The following PLCG2 variants were observed in gnomAD, a reference collection of about 807,000 sequenced individuals.
The protein encoded by PLCG2 is phospholipase C gamma 2.
In PLCG2, 69 loss-of-function variants were observed where a neutral mutation model predicts 175.6. The observed-to-expected ratio is 0.39, with a 90% CI of 0.32 to 0.48. The LOEUF (loss-of-function observed/expected upper bound fraction) is 0.48. Ranked by LOEUF, PLCG2 falls within the 20% of genes least tolerant of loss-of-function variation. PLCG2 has a pLI of 0.91. For synonymous variants in PLCG2, 827 were observed against 624.0 expected, an observed-to-expected ratio of 1.33 and a Z score of -4.85; for missense variants, 1,798 against 1,650.9, an observed-to-expected ratio of 1.09 and a Z score of -1.54.
chr16:81,919,413 G>C (rs1180298800), intron 19 of PLCG2, 71 bp from the exon 20 acceptor site: 3 of 1,223,884 alleles, frequency 2.5e-6, no homozygotes, highest in African/African-American at 3.0e-5. Context: ...TATCTAATCA[G>C]TAGGGTTTGT....
At chr16:81,762,279 T>C (rs1910058134) in intron 2 of PLCG2, among the ~76,000 whole-genome samples, 1 of 152,176 alleles carries the variant, frequency 6.6e-6, no homozygotes, top group Admixed American at 6.6e-5. Flanking sequence ...CTGTCAACTG[T>C]TAAAATGGTC....
chr16:81,881,573 A>T (rs761626854), intron 8 of PLCG2, among the ~76,000 whole-genome samples: 21 of 152,260 alleles, frequency 1.4e-4, no homozygotes, highest in Non-Finnish European at 2.6e-4. Flanking sequence ...TCGGTGAGCA[A>T]CTTTTCCCTC....
chr16:81,853,655 A>C (rs1309499051), intron 2 of PLCG2, among the ~76,000 whole-genome samples: 1 of 152,150 alleles, frequency 6.6e-6, no homozygotes, highest in African/African-American at 2.4e-5. Flanking sequence ...AATAGTGCTT[A>C]CTTGCCGGTA....
chr16:81,786,797 A>C (rs1910991726), intron 2 of PLCG2, among the ~76,000 whole-genome samples: 1 of 152,212 alleles, frequency 6.6e-6, no homozygotes, highest in African/African-American at 2.4e-5. Flanking sequence ...AGCAATTTTC[A>C]GTTGCAAATA....
rs1567527514 is a variant in PLCG2, at chr16:81,908,525, G to C, written c.1667G>C (p.Gly556Ala). 1.9e-6 allele frequency: 3 copies of C among 1,613,774 alleles called. No individual in the cohort carries two copies. The highest frequency in any genetic ancestry group is 1.7e-5 in the Admixed American group (1 of 60,024). ...CAGGAATACTGCATGGAGACGGGGG[G>C]CAAGGATGGCACCTTCCTGGTTCGG... ...LLQEYCMETGGKDGTFLVRES... is the reference protein window; with the variant it reads ...LLQEYCMETGAKDGTFLVRES... The change falls in exon 17 of 33, where the codon GGC becomes GCC. Residue 556 changes from glycine (G) to alanine (A), a missense_variant. By Grantham distance (60) the Gly-to-Ala change is moderately conservative. Coordinates refer to ENST00000564138, the MANE Select transcript of PLCG2 (RefSeq NM_002661.5).
chr16:81,904,496 G>A (rs74956269), intron 14 of PLCG2, among the ~76,000 whole-genome samples: 1 of 152,162 alleles, frequency 6.6e-6, no homozygotes, highest in African/African-American at 2.4e-5. Flanking sequence ...CCACTTGCCC[G>A]GGGTCACACA....
At chr16:81,819,548 G>T (rs1377064311) in intron 2 of PLCG2, among the ~76,000 whole-genome samples, 1 of 152,122 alleles carries the variant, frequency 6.6e-6, no homozygotes, top group African/African-American at 2.4e-5. Context: ...CCTCTGGAAG[G>T]CTGGACTCTA....
intron 2 of PLCG2, among the ~76,000 whole-genome samples, chr16:81,790,342 A>T (rs1269353179): frequency 3.9e-5 from 6 of 152,218 alleles, no homozygotes. Flanking sequence ...ATCTTTGAGC[A>T]TGCAGTGGAG....
At chr16:81,819,853 G>C (rs563647175) in intron 2 of PLCG2, among the ~76,000 whole-genome samples, 1 of 152,124 alleles carries the variant, frequency 6.6e-6, no homozygotes, top group African/African-American at 2.4e-5. Context: ...CAAAGTGCTG[G>C]GATTACAGCT....
At chr16:81,930,514 A>C (rs11863149) in intron 24 of PLCG2, among the ~76,000 whole-genome samples, 3,472 of 152,252 alleles carry the variant, frequency 0.023, 141 homozygotes, top group African/African-American at 0.079. Context: ...TTGGGAGGCC[A>C]AGGTGAGTGG....
chr16:81,896,097 G>A (rs565320726), intron 13 of PLCG2, among the ~76,000 whole-genome samples, 170 bp downstream of exon 13: 41 of 152,198 alleles, frequency 2.7e-4, no homozygotes, highest in Non-Finnish European at 5.3e-4. Flanking sequence ...CCGAGTGTTG[G>A]CACCCCCTGC....
Position 81,956,792 on chromosome 16 carries a change from T to C in PLCG2, c.3668T>C (p.Leu1223Ser), listed in dbSNP as rs1911586974. ...QLFLYDTHQN[L>S]RNANRDALVK... is the part of the protein sequence containing the mutation. ...TTTCTGTATGACACACACCAGAACTTGCGCAATGCCAACCGGGATGCCCTG... is the reference window on the plus strand; with the variant it reads ...TTTCTGTATGACACACACCAGAACTCGCGCAATGCCAACCGGGATGCCCTG... Residue 1223 changes from leucine to serine, a missense_variant, in exon 32 of 33, where the codon TTG becomes TCG. By Grantham distance (145) the Leu-to-Ser change is moderately radical (BLOSUM62 -2). Transcript: ENST00000564138. 1.9e-6 allele frequency: 3 copies of C among 1,614,178 alleles called. No individual in the cohort carries two copies. The highest frequency in any genetic ancestry group is 8.5e-7 in the Non-Finnish European group (1 of 1,180,014).
chr16:81,921,341 T>C (rs1567533606), intron 21 of PLCG2, 72 bp downstream of exon 21: 1 of 1,031,116 alleles, frequency 9.7e-7, no homozygotes, highest in African/African-American at 1.6e-5. Flanking sequence ...CTTGTTCCCA[T>C]GGCAGTTATA....
At chr16:81,805,428 G>A (rs1057406667) in intron 2 of PLCG2, among the ~76,000 whole-genome samples, 1 of 150,984 alleles carries the variant, frequency 6.6e-6, no homozygotes, top group African/African-American at 2.4e-5. Context: ...TAACCCAGGA[G>A]GTGGAGCTTG....
intron 2 of PLCG2, among the ~76,000 whole-genome samples, chr16:81,819,645 C>T (rs896553372): frequency 2.0e-5 from 3 of 152,162 alleles, no homozygotes; most frequent in East Asian, 1.9e-4. Flanking sequence ...AGTGCGGTGG[C>T]GCTATCTCGG....
chr16:81,829,917 G>A (rs1337072382), intron 2 of PLCG2, among the ~76,000 whole-genome samples: 4 of 151,980 alleles, frequency 2.6e-5, no homozygotes, highest in African/African-American at 7.3e-5. Context: ...CGCTCTCTAG[G>A]GGGCTTATTC....
chr16:81,789,566 G>C (rs565716765), intron 2 of PLCG2, among the ~76,000 whole-genome samples: 2 of 152,342 alleles, frequency 1.3e-5, no homozygotes, highest in Admixed American at 1.3e-4. Context: ...TGGGATTACA[G>C]ACAGGAACTA....
chr16:81,922,071 G>A (rs1022672529), intron 21 of PLCG2, among the ~76,000 whole-genome samples: 3 of 152,176 alleles, frequency 2.0e-5, no homozygotes, highest in African/African-American at 7.2e-5. Context: ...TGTGGCCTTG[G>A]AGACTGGCTG....
intron 2 of PLCG2, among the ~76,000 whole-genome samples, chr16:81,843,328 C>T (rs901192789): frequency 1.3e-4 from 20 of 152,192 alleles, no homozygotes; most frequent in African/African-American, 4.8e-4. Flanking sequence ...CCCTTTCTCA[C>T]ACCTTTACAC....
Sources: allele counts gnomAD v4.1 joint callset (sites outside exome capture counted in the v4.1 genomes callset), GRCh38; gene constraint gnomAD v4.1.1; transcripts MANE v1.5; gene names NCBI Gene and HGNC (gene_info 2026-07-23, HGNC 2026-07-21).